Variants in CREB5 observed in about 807,000 individuals in gnomAD.
CREB5 encodes cAMP responsive element binding protein 5, also known as cyclic AMP-responsive element-binding protein 5.
Under a neutral mutation model 57.1 loss-of-function variants are expected in CREB5, and 19 were observed. The ratio of observed to expected loss-of-function variants is 0.33; its 90% CI spans 0.23 to 0.49. CREB5 has a LOEUF of 0.49. CREB5 is among the 20% of genes least tolerant of loss of function. The pLI is 0.99. For synonymous variants in CREB5, 238 were observed against 238.3 expected, an observed-to-expected ratio of 1.00 and a Z score of 0.01; for missense variants, 579 against 671.6, an observed-to-expected ratio of 0.86 and a Z score of 1.52.
At chr7:28,735,107 G>T (rs10156184) in intron 7 of CREB5, among the ~76,000 whole-genome samples, 4 of 111,376 alleles carry the variant, frequency 3.6e-5, no homozygotes, top group South Asian at 2.7e-4. Context: ...TAATCGTTTT[G>T]GTTTTTTTTG....
intron 1 of CREB5, among the ~76,000 whole-genome samples, chr7:28,316,348 G>A (rs1015904333): frequency 2.6e-5 from 4 of 152,070 alleles, no homozygotes; most frequent in Non-Finnish European, 4.4e-5. Context: ...GACAATGCCT[G>A]GGAAAACCTG....
intron 5 of CREB5, among the ~76,000 whole-genome samples, chr7:28,714,733 A>C (rs1802584224): frequency 6.6e-6 from 1 of 152,268 alleles, no homozygotes; most frequent in Non-Finnish European, 1.5e-5. Flanking sequence ...ATGTTTATAC[A>C]AGTGTAGAAA....
At chr7:28,450,613 A>T (rs1050941936) in intron 1 of CREB5, among the ~76,000 whole-genome samples, 5 of 152,214 alleles carry the variant, frequency 3.3e-5, no homozygotes, top group African/African-American at 1.2e-4. Flanking sequence ...AGCTGAATCC[A>T]CTTGGCTGGA....
At position 28,718,870 on chromosome 7, in the gene CREB5, C is replaced by G; in HGVS notation, c.582C>G (p.Val194=). The part of the protein sequence containing the change: ...PNPTMPGSSA[V]LMPMERQMSV... ...CTACAATGCCAGGATCTTCCGCCGT[C>G]TTGATGCCAGTAAGTGTTTCTGTGT... The change falls in exon 6 of 11, where the codon GTC becomes GTG. Residue 194 remains valine, a synonymous_variant. Transcript: ENST00000357727. 1 of 1,614,084 alleles carries G rather than the reference C, an allele frequency of 6.2e-7. No individual in the cohort carries two copies. The highest frequency in any genetic ancestry group is 1.3e-5 in the African/African-American group (1 of 75,048).
chr7:28,724,080 C>T (rs1466520500), intron 6 of CREB5, 142 bp from the exon 7 acceptor site: 4 of 666,022 alleles, frequency 6.0e-6, no homozygotes, highest in Non-Finnish European at 9.9e-6. Context: ...GAGGGCATTG[C>T]TTACCACACA....
intron 7 of CREB5, among the ~76,000 whole-genome samples, chr7:28,801,689 C>T (rs1808374297): frequency 6.6e-6 from 1 of 152,190 alleles, no homozygotes. Context: ...TTGCTGACTT[C>T]ATTGCAAAGC....
chr7:28,373,671 C>T (rs371433754), intron 1 of CREB5, among the ~76,000 whole-genome samples: 15 of 152,050 alleles, frequency 9.9e-5, no homozygotes, highest in Admixed American at 1.3e-4. Context: ...AGCAATCCAC[C>T]TGCCTTGGCC....
At chr7:28,393,567 C>A (rs1787266309) in intron 1 of CREB5, among the ~76,000 whole-genome samples, 1 of 152,212 alleles carries the variant, frequency 6.6e-6, no homozygotes, top group Non-Finnish European at 1.5e-5. Context: ...ATAAAAAGAG[C>A]TTGGCAGTCA....
At chr7:28,733,125 A>C (rs1435346515) in intron 7 of CREB5, among the ~76,000 whole-genome samples, 1 of 152,142 alleles carries the variant, frequency 6.6e-6, no homozygotes, top group African/African-American at 2.4e-5. Context: ...ATGAGATTTT[A>C]ATCCAACTGT....
intron 1 of CREB5, among the ~76,000 whole-genome samples, chr7:28,323,593 C>T (rs907556426): frequency 6.6e-6 from 1 of 152,140 alleles, no homozygotes; most frequent in Admixed American, 6.5e-5. Flanking sequence ...AGTATCTCCC[C>T]TCCTGTGTCA....
At chr7:28,429,427 G>A (rs543937271) in intron 1 of CREB5, among the ~76,000 whole-genome samples, 58 of 152,270 alleles carry the variant, frequency 3.8e-4, no homozygotes, top group Admixed American at 9.8e-4. Context: ...CTGGCACATG[G>A]CAGACACTTC....
intron 4 of CREB5, among the ~76,000 whole-genome samples, chr7:28,560,991 T>TGC (rs1349449277): frequency 0.087 from 4,068 of 46,664 alleles, 940 homozygotes; most frequent in Middle Eastern, 0.12. Flanking sequence ...CGTGCGTGTG[T>TGC]GTGCCTGCGT....
intron 5 of CREB5, among the ~76,000 whole-genome samples, chr7:28,625,601 G>A (rs147327856): frequency 6.6e-6 from 1 of 152,186 alleles, no homozygotes; most frequent in Non-Finnish European, 1.5e-5. Context: ...ATTTCTGTTT[G>A]CTGAATTCCA....
chr7:28,447,229 G>A lies in CREB5; in HGVS notation c.3+34312G>A, dbSNP rs116462883. On this transcript the variant is annotated intron_variant, in intron 1 of 10. Transcript: ENST00000357727. The stretch of plus-strand genomic sequence containing the variant: ...GGCGCACATCTGTTTTTTGAAATAC[G>A]GTAAACAGTAAATGCTCAACAAATG... 4.7e-3 allele frequency among the ~76,000 whole-genome samples: 717 copies of A among 152,226 alleles called. 4 individuals carry two copies. The highest frequency in any genetic ancestry group is 0.016 in the African/African-American group (677 of 41,524).
intron 1 of CREB5, among the ~76,000 whole-genome samples, chr7:28,452,852 G>C (rs914218287): frequency 2.0e-5 from 3 of 152,228 alleles, no homozygotes; most frequent in Admixed American, 6.5e-5. Context: ...GCAGGACAGA[G>C]AAAGACAGAG....
chr7:28,436,564 A>C (rs1394854264), intron 1 of CREB5, among the ~76,000 whole-genome samples: 1 of 152,186 alleles, frequency 6.6e-6, no homozygotes, highest in African/African-American at 2.4e-5. Context: ...CTTGAATTAT[A>C]CTACCTTAAC....
chr7:28,641,055 C>A (rs1313221361), intron 5 of CREB5, among the ~76,000 whole-genome samples: 3 of 152,148 alleles, frequency 2.0e-5, no homozygotes, highest in Non-Finnish European at 4.4e-5. Context: ...CCCACAATGA[C>A]CCCTTCATCT....
chr7:28,578,475 C>A (rs1379522639), intron 5 of CREB5, among the ~76,000 whole-genome samples: 1 of 152,158 alleles, frequency 6.6e-6, no homozygotes, highest in Non-Finnish European at 1.5e-5. Flanking sequence ...TTGAATTGAA[C>A]CTGGTTATTC....
intron 4 of CREB5, among the ~76,000 whole-genome samples, chr7:28,525,173 C>A (rs1793395827): frequency 6.6e-6 from 1 of 151,980 alleles, no homozygotes; most frequent in African/African-American, 2.4e-5. Context: ...TTTTTAGGGC[C>A]CAGTAGTATT....
Sources: allele counts gnomAD v4.1 joint callset (sites outside exome capture counted in the v4.1 genomes callset), GRCh38; gene constraint gnomAD v4.1.1; transcripts MANE v1.5; gene names NCBI Gene and HGNC (gene_info 2026-07-23, HGNC 2026-07-21).